The following UBXN7 variants were observed in gnomAD, a reference collection of about 807,000 sequenced individuals.
UBXN7 encodes the protein UBX domain-containing protein 7.
UBXN7 carries 9 observed loss-of-function variants against 58.0 expected under a neutral mutation model. The ratio of observed to expected loss-of-function variants is 0.16; its 90% confidence interval spans 0.09 to 0.27. UBXN7 has a LOEUF of 0.27. Among genes scored for constraint, UBXN7 ranks in the 10% least tolerant of loss-of-function variants. The pLI is 1.00. For synonymous variants in UBXN7, 208 were observed against 205.0 expected (o/e 1.01, Z -0.12); for missense variants, 328 against 599.6 (o/e 0.55, Z 4.73).
At chr3:196,362,834 T>A in intron 8 of UBXN7, 147 bp from the exon 9 acceptor site, 1 of 929,086 alleles carries the variant, frequency 1.1e-6, no homozygotes, top group East Asian at 2.5e-5. Context: ...GACTGTGTCT[T>A]ACACAGCCAA....
chr3:196,362,064 G>C (rs1728520357), intron 9 of UBXN7, 141 bp from the exon 10 acceptor site: 1 of 994,570 alleles, frequency 1.0e-6, no homozygotes, highest in Non-Finnish European at 1.5e-6. Context: ...CGTGATCTCA[G>C]CTCACTGCAA....
intron 1 of UBXN7, among the ~76,000 whole-genome samples, chr3:196,409,465 T>C (rs763695175): frequency 6.6e-6 from 1 of 152,160 alleles, no homozygotes; most frequent in Non-Finnish European, 1.5e-5. Flanking sequence ...TTTACTGTGA[T>C]GTCATGTGCC....
At position 196,424,383 on chromosome 3, in the gene UBXN7, ATTTTTTTTTTT is replaced by A. The variant is rs869183431; in HGVS notation, c.73+7933_73+7943del. 6.6e-3 allele frequency among the ~76,000 whole-genome samples: 690 copies of A among 104,902 alleles called. 3 individuals carry two copies. Among genetic ancestry groups the A allele is most frequent in the African/African-American group, 0.024 (672 of 28,078 alleles). 68.8% of individuals were successfully genotyped at this position (104,902 alleles called of 152,430 possible). ...AGATGCCATCCTTTCTCTTTTCCTAATTTTTTTTTTTTTTTTTTTTTTTTTTTAAGAGACAA... is the reference window on the plus strand; with the variant it reads ...AGATGCCATCCTTTCTCTTTTCCTAATTTTTTTTTTTTTTTTAAGAGACAA... On this transcript the variant is annotated intron_variant, in intron 1 of 10. Transcript: ENST00000296328.
rs1728163996 is a variant in UBXN7 at position 196,349,531 on chromosome 3, G to C, written c.*7154C>G. On this transcript the variant is annotated 3_prime_UTR_variant, in exon 11 of 11. Transcript: ENST00000296328. ...TGAGAAAAGCATACTGTAAAATCAT[G>C]TTGCTGCAAACAGCAAGGCATCCAG... The C allele has an allele frequency of 6.6e-6, 1 of 152,182 alleles. No individual in the cohort carries two copies. The highest frequency in any genetic ancestry group is 2.4e-5 in the African/African-American group (1 of 41,450). The allele number at this position is 152,182 out of a possible 1,614,324, so 9.4% of individuals were successfully genotyped here.
chr3:196,366,586 A>C (rs1728673966), intron 8 of UBXN7, among the ~76,000 whole-genome samples: 1 of 152,054 alleles, frequency 6.6e-6, no homozygotes, highest in African/African-American at 2.4e-5. Context: ...AATACAATAA[A>C]TACAATACAA....
chr3:196,421,946 C>A (rs1340071663), intron 1 of UBXN7, among the ~76,000 whole-genome samples: 4 of 152,130 alleles, frequency 2.6e-5, no homozygotes, highest in South Asian at 2.1e-4. Context: ...CGCCTGTAAT[C>A]CCAACACTTT....
chr3:196,356,639 G>C lies in UBXN7; in HGVS notation c.*46C>G, dbSNP rs570392628. 15 of 1,549,144 alleles carry C rather than the reference G, an allele frequency of 9.7e-6. No individual in the cohort carries two copies. The East Asian group carries it at 2.8e-4, about 29-fold the overall frequency. ...CATACTTAGTGACATGTATCTCACA[G>C]GAAAAGGGAAAAAAGGGGTAAGCTG... is the stretch of plus-strand genomic sequence containing the variant. On this transcript the variant is annotated 3_prime_UTR_variant, in exon 11 of 11. Transcript: ENST00000296328.
chr3:196,360,194 A>C (rs760682059), intron 10 of UBXN7, among the ~76,000 whole-genome samples: 12 of 152,252 alleles, frequency 7.9e-5, no homozygotes, highest in Non-Finnish European at 1.3e-4. Flanking sequence ...CTGATGCAGA[A>C]GGTGCAGAAA....
intron 1 of UBXN7, among the ~76,000 whole-genome samples, chr3:196,408,368 C>T (rs535809858): frequency 6.6e-6 from 1 of 152,068 alleles, no homozygotes; most frequent in East Asian, 1.9e-4. Flanking sequence ...CCTTTTTTGA[C>T]TCAGTAATTT....
At chr3:196,363,915 C>A (rs1185478381) in intron 8 of UBXN7, among the ~76,000 whole-genome samples, 1 of 149,822 alleles carries the variant, frequency 6.7e-6, no homozygotes, top group Non-Finnish European at 1.5e-5. Flanking sequence ...GAGCGAGACT[C>A]CATCTCAAAA....
intron 7 of UBXN7, 48 bp from the exon 8 acceptor site, chr3:196,368,203 CCTT>C (rs1728722306): frequency 6.5e-7 from 1 of 1,545,908 alleles, no homozygotes; most frequent in African/African-American, 1.4e-5. Flanking sequence ...TATCTAGAAT[CCTT>C]CTGAACATTC....
At chr3:196,359,777 C>T (rs192421672) in intron 10 of UBXN7, among the ~76,000 whole-genome samples, 7 of 152,006 alleles carry the variant, frequency 4.6e-5, no homozygotes, top group East Asian at 3.9e-4. Flanking sequence ...TGGTGGTGGG[C>T]GCCTGTAATC....
chr3:196,395,686 G>A (rs1729747317), intron 3 of UBXN7, among the ~76,000 whole-genome samples: 1 of 151,926 alleles, frequency 6.6e-6, no homozygotes, highest in East Asian at 1.9e-4. Context: ...TGGAACTCCT[G>A]GGCTCAAGGA....
chr3:196,405,460 A>C (rs1473589442), intron 2 of UBXN7, among the ~76,000 whole-genome samples: 15 of 136,446 alleles, frequency 1.1e-4, no homozygotes, highest in Non-Finnish European at 2.0e-4. Flanking sequence ...ACACAGAGAG[A>C]CTCCGTCTCA....
intron 1 of UBXN7, among the ~76,000 whole-genome samples, chr3:196,409,296 T>C (rs904398180): frequency 6.6e-6 from 1 of 152,096 alleles, no homozygotes; most frequent in Non-Finnish European, 1.5e-5. Context: ...ATTCCTACTA[T>C]TCCAATCTTT....
chr3:196,390,693 A>T (rs1729554484), intron 5 of UBXN7, among the ~76,000 whole-genome samples: 1 of 151,266 alleles, frequency 6.6e-6, no homozygotes, highest in South Asian at 2.1e-4. Context: ...GTGAGCTGAG[A>T]TCGTGCCACT....
At chr3:196,393,114 C>T (rs1463514940) in intron 4 of UBXN7, among the ~76,000 whole-genome samples, 1 of 152,230 alleles carries the variant, frequency 6.6e-6, no homozygotes, top group Non-Finnish European at 1.5e-5. Context: ...TAATTTATTA[C>T]ACAAAAATAT....
chr3:196,374,438 C>G (rs969340845), intron 5 of UBXN7, among the ~76,000 whole-genome samples: 20 of 151,986 alleles, frequency 1.3e-4, no homozygotes, highest in Non-Finnish European at 1.5e-5. Flanking sequence ...TGTGAAGCTT[C>G]CAATGGGGGA....
intron 5 of UBXN7, among the ~76,000 whole-genome samples, chr3:196,383,360 C>A (rs1019960397): frequency 6.6e-6 from 1 of 152,124 alleles, no homozygotes; most frequent in African/African-American, 2.4e-5. Flanking sequence ...GAGAATTTAA[C>A]ACCCCACTGT....
Sources: gnomAD v4.1 joint callset for allele counts (sites outside exome capture counted in the v4.1 genomes callset) on GRCh38, gnomAD v4.1.1 for gene constraint, MANE v1.5 for transcripts, NCBI Gene and HGNC (gene_info 2026-07-23, HGNC 2026-07-21) for gene names.